CCDC3: variants seen among roughly 807,000 people sequenced by gnomAD.
CCDC3 encodes coiled-coil domain-containing protein 3.
In CCDC3, 24 loss-of-function variants were observed where a neutral mutation model predicts 21.4. The observed-to-expected ratio is 1.12, with a 90% confidence interval of 0.81 to 1.58. The LOEUF is 1.58. CCDC3 is among the 40% of genes most tolerant of loss of function. The probability of loss-of-function intolerance (pLI) is 0.00; values close to 1 mark genes in which losing one functional copy is unlikely to be tolerated. For missense variants in CCDC3, 425 were observed against 360.9 expected (o/e 1.18, Z -1.44); for synonymous variants, 186 against 166.0 (o/e 1.12, Z -0.93).
At chr10:12,927,140 C>A (rs747460219) in intron 2 of CCDC3, among the ~76,000 whole-genome samples, 1 of 152,130 alleles carries the variant, frequency 6.6e-6, no homozygotes, top group African/African-American at 2.4e-5. Context: ...TGGAAATTTC[C>A]GAACACACAT....
At chr10:12,911,872 T>TA (rs529397652) in intron 2 of CCDC3, among the ~76,000 whole-genome samples, 299 of 152,314 alleles carry the variant, frequency 2.0e-3, no homozygotes, top group Non-Finnish European at 2.9e-3. Flanking sequence ...TCATTTTTTT[T>TA]AGATTCTACA....
intron 2 of CCDC3, among the ~76,000 whole-genome samples, chr10:12,986,714 A>T (rs1375381236): frequency 6.6e-6 from 1 of 151,568 alleles, no homozygotes; most frequent in African/African-American, 2.4e-5. Flanking sequence ...CGGAGCTTGC[A>T]GTGAGCCGAG....
chr10:13,053,006 G>A (rs192247067), intron 4 of CCDC3, among the ~76,000 whole-genome samples: 122 of 146,974 alleles, frequency 8.3e-4, no homozygotes, highest in Middle Eastern at 3.5e-3. Flanking sequence ...ACACCTAGAA[G>A]TTCCAATGTT....
chr10:13,008,417 G>A (rs751600244), intron 5 of CCDC3, among the ~76,000 whole-genome samples: 4 of 152,172 alleles, frequency 2.6e-5, no homozygotes, highest in Admixed American at 1.3e-4. Context: ...GCAGCAGTGC[G>A]GTGAATGCCA....
At position 13,001,444 on chromosome 10, in the gene CCDC3, T is replaced by C. The variant is rs1338389840; in HGVS notation, c.127A>G (p.Ile43Val). The change falls in exon 1 of 3, where the codon ATC becomes GTC. Residue 43 changes from isoleucine (I) to valine (V), a missense_variant. Ile to Val is a conservative substitution (Grantham distance 29, BLOSUM62 3). Transcript: ENST00000378825. ...EGCRAELAET[I>V]VYARVLALHP... is the part of the protein sequence containing the mutation. Reference sequence around the variant, plus strand: ...AGCGCCAGCACCCTGGCGTACACGATGGTCTCGGCCAGCTCGGCGCGGCAG... The same window carrying C: ...AGCGCCAGCACCCTGGCGTACACGACGGTCTCGGCCAGCTCGGCGCGGCAG... 2.7e-6 allele frequency: 4 copies of C among 1,499,268 alleles called. No homozygotes were observed. Among genetic ancestry groups the C allele is most frequent in the Non-Finnish European group, 3.6e-6 (4 of 1,121,790 alleles). 92.9% of individuals were successfully genotyped at this position (1,499,268 alleles called of 1,614,324 possible). A position where few individuals can be genotyped will look rare whatever the true frequency, so the allele number is the denominator to read the frequency against.
chr10:13,062,963 C>T (rs994360409), intron 4 of CCDC3, among the ~76,000 whole-genome samples: 12 of 82,104 alleles, frequency 1.5e-4, no homozygotes, highest in African/African-American at 3.0e-4. Context: ...AGCTGACTCA[C>T]GGCCATTTCA....
In CCDC3 at chr10:13,001,432, T is replaced by C. The variant is rs1215498703; in HGVS notation, c.139A>G (p.Arg47Gly). ...AELAETIVYA[R>G]VLALHPEAPG... Reference sequence around the variant, plus strand: ...GCCTCGGGGTGCAGCGCCAGCACCCTGGCGTACACGATGGTCTCGGCCAGC... The same window carrying C: ...GCCTCGGGGTGCAGCGCCAGCACCCCGGCGTACACGATGGTCTCGGCCAGC... Residue 47 changes from arginine (R) to glycine (G), a missense_variant, in exon 1 of 3, where the codon AGG becomes GGG. Arg to Gly is a moderately radical substitution (Grantham distance 125). Transcript: ENST00000378825. 2.6e-6 allele frequency: 4 copies of C among 1,524,528 alleles called. No individual in the cohort carries two copies. In the African/African-American group the frequency reaches 4.1e-5, roughly 16 times the overall value. 94.4% of individuals were successfully genotyped at this position (1,524,528 alleles called of 1,614,324 possible). A position where few individuals can be genotyped will look rare whatever the true frequency, so the allele number is the denominator to read the frequency against.
intron 4 of CCDC3, among the ~76,000 whole-genome samples, chr10:13,063,835 G>A (rs140755976): frequency 6.6e-6 from 1 of 152,252 alleles, no homozygotes; most frequent in East Asian, 1.9e-4. Context: ...AGCTCTCTGC[G>A]ATCCTGCTTT....
At chr10:13,054,383 G>A (rs911577312) in intron 4 of CCDC3, among the ~76,000 whole-genome samples, 1 of 152,000 alleles carries the variant, frequency 6.6e-6, no homozygotes, top group African/African-American at 2.4e-5. Flanking sequence ...CTCAGCTTAA[G>A]CTTTTCAAAG....
chr10:12,944,535 A>G lies in CCDC3; in HGVS notation c.550-45856T>C, dbSNP rs115768187. 6.8e-3 allele frequency among the ~76,000 whole-genome samples: 1,043 copies of G among 152,304 alleles called. 11 individuals carry two copies. Among genetic ancestry groups the G allele is most frequent in the African/African-American group, 0.024 (990 of 41,564 alleles). On this transcript the variant is annotated intron_variant, in intron 2 of 2. Coordinates refer to ENST00000378825, the MANE Select transcript of CCDC3 (RefSeq NM_031455.4). ...TCTATTGATTTATGTCTTTGCCTGC[A>G]ATGTCTGTCTCCTTAAAATGTATAA...
chr10:13,082,754 T>C (rs1417078552), intron 3 of CCDC3, among the ~76,000 whole-genome samples: 1 of 151,004 alleles, frequency 6.6e-6, no homozygotes, highest in Admixed American at 6.6e-5. Context: ...GGGCTCACAC[T>C]TGCCTTCTGG....
intron 2 of CCDC3, among the ~76,000 whole-genome samples, chr10:12,970,310 A>G (rs1299021975): frequency 6.6e-6 from 1 of 152,154 alleles, no homozygotes; most frequent in African/African-American, 2.4e-5. Flanking sequence ...ACAATAGTTC[A>G]ACTTTACCGT....
intron 2 of CCDC3, among the ~76,000 whole-genome samples, chr10:12,931,382 A>G (rs1219813723): frequency 6.6e-6 from 1 of 152,184 alleles, no homozygotes; most frequent in Non-Finnish European, 1.5e-5. Flanking sequence ...TTCTGGGGTT[A>G]CTTCCTCTAC....
At chr10:13,087,127 G>A (rs961492745) in intron 3 of CCDC3, among the ~76,000 whole-genome samples, 7 of 152,144 alleles carry the variant, frequency 4.6e-5, no homozygotes, top group African/African-American at 7.2e-5. Flanking sequence ...GAACAAGGCC[G>A]GGCATGGTGG....
chr10:12,903,566 C>T (rs924495748), intron 2 of CCDC3, among the ~76,000 whole-genome samples: 1 of 152,230 alleles, frequency 6.6e-6, no homozygotes, highest in East Asian at 1.9e-4. Context: ...GAATGTCCTA[C>T]AGGGCAGCCC....
intron 2 of CCDC3, among the ~76,000 whole-genome samples, chr10:12,969,435 T>TATA (rs1323354783): frequency 6.6e-6 from 1 of 151,856 alleles, no homozygotes; most frequent in African/African-American, 2.4e-5. Context: ...TTATGTTCAA[T>TATA]TATGGTAAAT....
At chr10:13,075,392 T>C (rs139365812) in intron 3 of CCDC3, among the ~76,000 whole-genome samples, 112 of 152,208 alleles carry the variant, frequency 7.4e-4, no homozygotes, top group Middle Eastern at 3.4e-3. Context: ...GATATCTGAG[T>C]CGGGGAAGAT....
chr10:12,909,762 C>T (rs1834237025), intron 2 of CCDC3, among the ~76,000 whole-genome samples: 1 of 152,230 alleles, frequency 6.6e-6, no homozygotes, highest in Admixed American at 6.5e-5. Context: ...AAAGCCAAAG[C>T]TGTCCTGCTC....
chr10:12,918,964 A>G (rs1011993052), intron 2 of CCDC3, among the ~76,000 whole-genome samples: 1 of 151,964 alleles, frequency 6.6e-6, no homozygotes, highest in African/African-American at 2.4e-5. Flanking sequence ...CTGAGGCAGG[A>G]GAATGGGCGT....
Sources: gnomAD v4.1 joint callset for allele counts (sites outside exome capture counted in the v4.1 genomes callset) on GRCh38, gnomAD v4.1.1 for gene constraint, MANE v1.5 for transcripts, NCBI Gene and HGNC (gene_info 2026-07-23, HGNC 2026-07-21) for gene names.